The following RTN1 variants were observed in gnomAD, a reference collection of about 807,000 sequenced individuals.
RTN1 encodes reticulon 1.
A neutral mutation model predicts 65.5 loss-of-function variants in RTN1; 25 were observed. The observed-to-expected ratio is 0.38, with a 90% confidence interval of 0.28 to 0.53. The LOEUF is 0.53. RTN1 is among the 20% of genes least tolerant of loss of function. The probability of loss-of-function intolerance (pLI) is 0.79; values close to 1 mark genes in which losing one functional copy is unlikely to be tolerated. For synonymous variants in RTN1, 471 were observed against 447.6 expected (o/e 1.05, Z -0.66); for missense variants, 983 against 1,025.4 (o/e 0.96, Z 0.57).
At chr14:59,835,372 C>T (rs1887196417) in intron 1 of RTN1, among the ~76,000 whole-genome samples, 1 of 151,980 alleles carries the variant, frequency 6.6e-6, no homozygotes, top group Non-Finnish European at 1.5e-5. Flanking sequence ...TGGGTGTGTT[C>T]ATTTCTTGAT....
At chr14:59,733,873 A>C (rs983920844) in intron 2 of RTN1, among the ~76,000 whole-genome samples, 71 of 152,010 alleles carry the variant, frequency 4.7e-4, no homozygotes, top group African/African-American at 1.7e-3. Context: ...CAGCTGCCCT[A>C]CCAAAAAGCA....
intron 8 of RTN1, among the ~76,000 whole-genome samples, chr14:59,602,302 T>C (rs1310875334): frequency 6.6e-6 from 1 of 152,176 alleles, no homozygotes; most frequent in Non-Finnish European, 1.5e-5. Context: ...TGGTGAAATA[T>C]ATTTATAGTT....
chr14:59,844,985 T>C (rs551067119), intron 1 of RTN1, among the ~76,000 whole-genome samples: 7 of 152,364 alleles, frequency 4.6e-5, no homozygotes, highest in East Asian at 1.9e-4. Flanking sequence ...AATCAACTTA[T>C]AGTCAACCAG....
At chr14:59,629,613 C>T (rs142854901) in intron 3 of RTN1, among the ~76,000 whole-genome samples, 2 of 152,200 alleles carry the variant, frequency 1.3e-5, no homozygotes, top group Non-Finnish European at 2.9e-5. Context: ...TCTCCTCATA[C>T]TCTGTAACTG....
intron 1 of RTN1, among the ~76,000 whole-genome samples, chr14:59,772,137 T>C (rs908485860): frequency 1.3e-5 from 2 of 152,228 alleles, no homozygotes; most frequent in Non-Finnish European, 2.9e-5. Flanking sequence ...ATAAAGTTTT[T>C]AGTTAATCAA....
chr14:59,665,949 T>C, intron 3 of RTN1, among the ~76,000 whole-genome samples: 1 of 152,098 alleles, frequency 6.6e-6, no homozygotes, highest in Non-Finnish European at 1.5e-5. Flanking sequence ...AGCAAGTCCT[T>C]AGAGACCTAC....
In RTN1 at chr14:59,716,954, C is replaced by T. The variant is rs555986633; in HGVS notation, c.1765+9965G>A. On this transcript the variant is annotated intron_variant, in intron 3 of 8. Coordinates refer to ENST00000267484, the MANE Select transcript of RTN1 (RefSeq NM_021136.3). ...CTACACTCCAGCCTGGGCAACAGAG[C>T]GAGACTCCATCTCAACAAACAAACA... 1.8e-4 allele frequency among the ~76,000 whole-genome samples: 27 copies of T among 145,958 alleles called. 1 individual carries two copies. The South Asian group carries it at 3.3e-3, about 18-fold the overall frequency.
chr14:59,784,547 T>A (rs1011486036), intron 1 of RTN1, among the ~76,000 whole-genome samples: 3 of 152,352 alleles, frequency 2.0e-5, no homozygotes, highest in African/African-American at 7.2e-5. Context: ...TACAGATTTT[T>A]GCTGTTTGTC....
intron 3 of RTN1, among the ~76,000 whole-genome samples, chr14:59,654,431 T>TG (rs34322936): frequency 0.08 from 7,314 of 90,868 alleles, 285 homozygotes; most frequent in Middle Eastern, 0.12. Flanking sequence ...TCTGTCTCTG[T>TG]GAAAAAAAAA....
intron 2 of RTN1, among the ~76,000 whole-genome samples, chr14:59,738,866 G>A (rs904855005): frequency 6.6e-6 from 1 of 152,168 alleles, no homozygotes; most frequent in African/African-American, 2.4e-5. Context: ...GGATGGAGCT[G>A]GAGGCCATTA....
chr14:59,703,633 T>C (rs536380921), intron 3 of RTN1, among the ~76,000 whole-genome samples: 3 of 152,350 alleles, frequency 2.0e-5, no homozygotes, highest in African/African-American at 7.2e-5. Flanking sequence ...TAACACATTA[T>C]GTTTATTGTT....
At position 59,727,676 on chromosome 14, in the gene RTN1, C is replaced by T. The variant is rs773509882; in HGVS notation, c.1016-8G>A. 9 of 1,587,392 alleles carry T rather than the reference C, an allele frequency of 5.7e-6. No homozygotes were observed. In the African/African-American group the frequency reaches 1.2e-4, roughly 21 times the overall value. Reference sequence around the variant, plus strand: ...ATTCTGCAGCAGATGGTTCTGTCGTCCCACAGAGCGAAGGAGAGCCACGGA... The same window carrying T: ...ATTCTGCAGCAGATGGTTCTGTCGTTCCACAGAGCGAAGGAGAGCCACGGA... On this transcript the variant is annotated splice_polypyrimidine_tract_variant and splice_region_variant and intron_variant, in intron 2 of 8. Coordinates refer to ENST00000267484, the MANE Select transcript of RTN1 (RefSeq NM_021136.3). The surrounding 1 kb of genome is among the most constrained non-coding windows in gnomAD (Gnocchi z 4.2).
intron 8 of RTN1, among the ~76,000 whole-genome samples, chr14:59,598,977 C>T (rs1881492438): frequency 6.6e-6 from 1 of 152,156 alleles, no homozygotes; most frequent in South Asian, 2.1e-4. Context: ...AAATGTCCAA[C>T]CCTGAAATTG....
intron 2 of RTN1, among the ~76,000 whole-genome samples, chr14:59,735,354 G>A (rs1043131265): frequency 6.6e-5 from 10 of 152,206 alleles, no homozygotes; most frequent in Admixed American, 3.3e-4. Context: ...ACCAGCTAGC[G>A]TCGTGATGAC....
At chr14:59,735,536 C>T (rs775691834) in intron 2 of RTN1, among the ~76,000 whole-genome samples, 10 of 152,036 alleles carry the variant, frequency 6.6e-5, no homozygotes, top group Non-Finnish European at 1.2e-4. Context: ...TAAAGGGATG[C>T]AGGAAAATTT....
intron 1 of RTN1, among the ~76,000 whole-genome samples, chr14:59,784,724 G>T (rs1264616080): frequency 6.6e-6 from 1 of 152,078 alleles, no homozygotes; most frequent in Admixed American, 6.6e-5. Flanking sequence ...GAATACTTTT[G>T]TAAAAGAAAA....
chr14:59,749,132 C>CTATA (rs1226033553), intron 1 of RTN1, among the ~76,000 whole-genome samples: 312 of 10,306 alleles, frequency 0.03, 14 homozygotes, highest in African/African-American at 0.087. Flanking sequence ...ATAGATATAT[C>CTATA]TATATCTATC....
intron 3 of RTN1, chr14:59,610,014 T>C (rs553239166): frequency 1.4e-6 from 1 of 699,428 alleles, no homozygotes; most frequent in South Asian, 1.6e-5. Context: ...GCTTACCCAC[T>C]TGTGAGACGT....
At chr14:59,628,369 A>G (rs950064811) in intron 3 of RTN1, among the ~76,000 whole-genome samples, 5 of 152,162 alleles carry the variant, frequency 3.3e-5, no homozygotes, top group African/African-American at 1.2e-4. Flanking sequence ...GTTTTTGATA[A>G]TAAGGGAACT....
Sources: allele counts gnomAD v4.1 joint callset (sites outside exome capture counted in the v4.1 genomes callset), GRCh38; gene constraint gnomAD v4.1.1; non-coding constraint Gnocchi (gnomAD v3.1); transcripts MANE v1.5; gene names NCBI Gene and HGNC (gene_info 2026-07-23, HGNC 2026-07-21).